Variants in PRKG1 observed in about 807,000 individuals in gnomAD.
PRKG1 encodes the protein cGMP-dependent protein kinase 1.
Under a neutral mutation model 88.1 loss-of-function variants are expected in PRKG1, and 35 were observed. The ratio of observed to expected loss-of-function variants is 0.40; its 90% CI spans 0.30 to 0.53. The LOEUF (loss-of-function observed/expected upper bound fraction) is 0.53, where lower values mean the gene tolerates loss of function less well. Ranked by LOEUF, PRKG1 falls within the 20% of genes least tolerant of loss-of-function variation. The probability of loss-of-function intolerance (pLI) is 0.59; values close to 1 mark genes in which losing one functional copy is unlikely to be tolerated. For missense variants in PRKG1, 540 were observed against 839.8 expected, an observed-to-expected ratio of 0.64 and a Z score of 4.41; for synonymous variants, 303 against 292.5, an observed-to-expected ratio of 1.04 and a Z score of -0.37.
intron 3 of PRKG1, among the ~76,000 whole-genome samples, chr10:51,719,156 A>G (rs865973631): frequency 6.7e-5 from 10 of 150,224 alleles, no homozygotes; most frequent in Non-Finnish European, 8.9e-5. Flanking sequence ...TCTCAAAAAA[A>G]AGAGAGAGAG....
intron 9 of PRKG1, among the ~76,000 whole-genome samples, chr10:52,206,837 G>T (rs1228549087): frequency 6.6e-6 from 1 of 152,216 alleles, no homozygotes; most frequent in Non-Finnish European, 1.5e-5. Context: ...ACTGATGGGG[G>T]TTGCCAACCA....
At chr10:51,760,005 A>G (rs1837976179) in intron 3 of PRKG1, among the ~76,000 whole-genome samples, 1 of 152,202 alleles carries the variant, frequency 6.6e-6, no homozygotes, top group African/African-American at 2.4e-5. Context: ...GTCTGGCAGA[A>G]GCAAAGTTGG....
chr10:51,564,343 C>G (rs976732524), intron 3 of PRKG1, among the ~76,000 whole-genome samples: 2 of 151,868 alleles, frequency 1.3e-5, no homozygotes, highest in African/African-American at 4.8e-5. Flanking sequence ...GTGGTAAATG[C>G]TATAGAGAGA....
intron 1 of PRKG1, among the ~76,000 whole-genome samples, chr10:51,042,633 G>C (rs1357045997): frequency 1.3e-5 from 2 of 152,294 alleles, no homozygotes; most frequent in African/African-American, 4.8e-5. Context: ...CCGCGGAACA[G>C]AGAAGAAAGG....
chr10:51,137,011 A>G (rs1489405871), intron 1 of PRKG1, among the ~76,000 whole-genome samples: 1 of 151,798 alleles, frequency 6.6e-6, no homozygotes, highest in Non-Finnish European at 1.5e-5. Flanking sequence ...CAGCCTACCC[A>G]GTAGCTGGGA....
At chr10:51,898,148 T>C (rs1300835410) in intron 4 of PRKG1, among the ~76,000 whole-genome samples, 1 of 152,128 alleles carries the variant, frequency 6.6e-6, no homozygotes, top group African/African-American at 2.4e-5. Context: ...TTCCCCAGAA[T>C]CCAGTTATCT....
At chr10:51,579,124 G>A (rs1837965378) in intron 3 of PRKG1, among the ~76,000 whole-genome samples, 1 of 151,520 alleles carries the variant, frequency 6.6e-6, no homozygotes, top group African/African-American at 2.4e-5. Context: ...TGGGACTACA[G>A]GTGCGTGCCA....
chr10:51,699,456 A>T, intron 3 of PRKG1: 1 of 1,613,856 alleles, frequency 6.2e-7, no homozygotes, highest in Non-Finnish European at 8.5e-7. Context: ...ATGTCCTTTA[A>T]CTGCTCCTCA....
At chr10:51,672,290 A>G (rs1840602808) in intron 3 of PRKG1, among the ~76,000 whole-genome samples, 2 of 151,978 alleles carry the variant, frequency 1.3e-5, no homozygotes, top group Non-Finnish European at 1.5e-5. Flanking sequence ...GCTATATTGT[A>G]TATCTCCTTA....
chr10:51,921,073 A>C (rs1357137475), intron 5 of PRKG1, among the ~76,000 whole-genome samples: 1 of 152,116 alleles, frequency 6.6e-6, no homozygotes, highest in Non-Finnish European at 1.5e-5. Context: ...GAAAAATGTC[A>C]TATATCCATC....
At chr10:52,098,701 G>C (rs1352493582) in intron 7 of PRKG1, among the ~76,000 whole-genome samples, 1 of 152,204 alleles carries the variant, frequency 6.6e-6, no homozygotes, top group African/African-American at 2.4e-5. Context: ...AAATACATAG[G>C]AGAGTGCCTA....
intron 3 of PRKG1, among the ~76,000 whole-genome samples, chr10:51,793,945 G>A (rs1402062540): frequency 2.6e-5 from 4 of 151,990 alleles, no homozygotes; most frequent in Non-Finnish European, 4.4e-5. Flanking sequence ...TGTATTTTTA[G>A]TAGAGACAGG....
chr10:51,653,090 C>T (rs201218981), intron 3 of PRKG1, among the ~76,000 whole-genome samples: 2 of 152,268 alleles, frequency 1.3e-5, no homozygotes, highest in East Asian at 1.9e-4. Context: ...TGTATATATA[C>T]ATTTCTTTAT....
intron 3 of PRKG1, among the ~76,000 whole-genome samples, chr10:51,550,347 A>AATG (rs2132127101): frequency 2.0e-5 from 3 of 152,170 alleles, no homozygotes; most frequent in Admixed American, 2.0e-4. Context: ...CTAATGCTAT[A>AATG]CTTTGTCTTT....
intron 3 of PRKG1, among the ~76,000 whole-genome samples, chr10:51,803,107 G>A (rs1038733166): frequency 6.6e-6 from 1 of 151,970 alleles, no homozygotes. Context: ...CAAGTTCTTT[G>A]TGGCTATATC....
intron 4 of PRKG1, among the ~76,000 whole-genome samples, chr10:51,833,949 A>C (rs1840065969): frequency 6.6e-6 from 1 of 152,132 alleles, no homozygotes; most frequent in African/African-American, 2.4e-5. Context: ...GTGAGATCAT[A>C]TGGTCTTTGT....
At chr10:51,896,383 A>AT (rs1165084443) in intron 4 of PRKG1, among the ~76,000 whole-genome samples, 16 of 152,018 alleles carry the variant, frequency 1.1e-4, no homozygotes, top group African/African-American at 3.9e-4. Context: ...CCACAACTCT[A>AT]TGCAGAAGGT....
At chr10:51,150,531 A>G (rs1301069359) in intron 1 of PRKG1, among the ~76,000 whole-genome samples, 1 of 152,160 alleles carries the variant, frequency 6.6e-6, no homozygotes, top group Non-Finnish European at 1.5e-5. Context: ...GGCACAAGGT[A>G]TCTATCTTGC....
chr10:52,128,992 CTAGTTA>C (rs1167180926), intron 7 of PRKG1, among the ~76,000 whole-genome samples: 1 of 152,084 alleles, frequency 6.6e-6, no homozygotes, highest in Non-Finnish European at 1.5e-5. Context: ...CATTATAACC[CTAGTTA>C]TAAAGTTCTC....
Sources: gnomAD v4.1 joint callset for allele counts (sites outside exome capture counted in the v4.1 genomes callset) on GRCh38, gnomAD v4.1.1 for gene constraint, MANE v1.5 for transcripts, NCBI Gene and HGNC (gene_info 2026-07-23, HGNC 2026-07-21) for gene names.